The following EIF4G3 variants were observed in gnomAD, a reference collection of about 807,000 sequenced individuals.
EIF4G3 encodes the protein eukaryotic translation initiation factor 4 gamma 3.
EIF4G3 carries 34 observed loss-of-function variants against 186.4 expected under a neutral mutation model. The observed-to-expected ratio is 0.18, with a 90% CI of 0.14 to 0.24. The LOEUF is 0.24. Ranked by LOEUF, EIF4G3 falls within the 10% of genes least tolerant of loss-of-function variation. The pLI, the probability that EIF4G3 is intolerant of heterozygous loss-of-function variation, is 1.00. For synonymous variants in EIF4G3, 673 were observed against 679.5 expected, an observed-to-expected ratio of 0.99 and a Z score of 0.15; for missense variants, 1,536 against 1,948.5, an observed-to-expected ratio of 0.79 and a Z score of 3.99.
intron 2 of EIF4G3, among the ~76,000 whole-genome samples, chr1:21,138,094 T>A (rs891405148): frequency 6.6e-6 from 1 of 152,124 alleles, no homozygotes; most frequent in African/African-American, 2.4e-5. Flanking sequence ...ACACTAGAAA[T>A]AGCCCAGGTA....
Position 21,011,498 on chromosome 1 carries a change from A to G in EIF4G3, c.-66-8690T>C, listed in dbSNP as rs2087078413. Among the ~76,000 whole-genome samples the G allele has an allele frequency of 2.0e-5, 3 of 152,138 alleles. No homozygotes were observed. In the South Asian group the frequency reaches 6.2e-4, roughly 32 times the overall value. On this transcript the variant is annotated intron_variant, in intron 4 of 36. Coordinates refer to ENST00000602326, the MANE Select transcript of EIF4G3 (RefSeq NM_001391906.1). ...GATACAATCCATCAACCTTATTCAG[A>G]TTTCCTGAGTTTCACTACAGATGCA... is the stretch of plus-strand genomic sequence containing the variant.
chr1:21,119,325 A>G (rs979682729), intron 2 of EIF4G3, among the ~76,000 whole-genome samples: 72 of 149,460 alleles, frequency 4.8e-4, no homozygotes, highest in Non-Finnish European at 7.6e-4. Context: ...ATAAAAGGGG[A>G]AAAAAAAAAG....
chr1:21,088,343 T>C (rs1322702074), intron 3 of EIF4G3, among the ~76,000 whole-genome samples: 1 of 151,738 alleles, frequency 6.6e-6, no homozygotes, highest in Non-Finnish European at 1.5e-5. Context: ...TCACTTGAAC[T>C]GGGAAGGCAG....
intron 15 of EIF4G3, among the ~76,000 whole-genome samples, chr1:20,904,387 C>G (rs1280169067): frequency 2.0e-5 from 3 of 152,066 alleles, no homozygotes; most frequent in African/African-American, 7.2e-5. Context: ...ACTGTGTTGC[C>G]CAGGCTGGAG....
chr1:20,952,418 T>C (rs907667909), intron 12 of EIF4G3, among the ~76,000 whole-genome samples: 7 of 152,182 alleles, frequency 4.6e-5, no homozygotes, highest in Admixed American at 2.0e-4. Flanking sequence ...CATCCCAAAG[T>C]GCTGGGATTA....
At chr1:21,146,526 C>T (rs2097445323) in intron 2 of EIF4G3, among the ~76,000 whole-genome samples, 1 of 151,572 alleles carries the variant, frequency 6.6e-6, no homozygotes, top group Non-Finnish European at 1.5e-5. Context: ...TTTGGGAGGC[C>T]AAAGCAGGTG....
At chr1:20,918,448 T>C (rs942906985) in intron 14 of EIF4G3, among the ~76,000 whole-genome samples, 1 of 152,040 alleles carries the variant, frequency 6.6e-6, no homozygotes, top group Non-Finnish European at 1.5e-5. Context: ...CCTCAAGCAA[T>C]CCTTCCGTCA....
intron 2 of EIF4G3, among the ~76,000 whole-genome samples, chr1:21,136,943 G>A (rs940153788): frequency 1.3e-5 from 2 of 152,012 alleles, no homozygotes; most frequent in Admixed American, 1.3e-4. Flanking sequence ...AAGTGCAAAG[G>A]CTTAGTACAA....
chr1:20,864,804 A>T, intron 21 of EIF4G3, 92 bp from the exon 22 acceptor site: 1 of 1,109,452 alleles, frequency 9.0e-7, no homozygotes, highest in Non-Finnish European at 1.3e-6. Context: ...TCCCCGTGAG[A>T]ATCTGATAGC....
chr1:21,145,373 A>G (rs1390497245), intron 2 of EIF4G3, among the ~76,000 whole-genome samples: 1 of 152,032 alleles, frequency 6.6e-6, no homozygotes, highest in East Asian at 1.9e-4. Flanking sequence ...GTTTTGCTCT[A>G]TCTTCTAAAA....
Position 20,952,647 on chromosome 1 carries a change from G to A in EIF4G3, c.715-2536C>T, listed in dbSNP as rs191258318. 6.9e-3 allele frequency among the ~76,000 whole-genome samples: 1,044 copies of A among 152,202 alleles called. 10 individuals carry two copies. Among genetic ancestry groups the A allele is most frequent in the African/African-American group, 0.024 (985 of 41,530 alleles). On this transcript the variant is annotated intron_variant, in intron 12 of 36. Coordinates refer to ENST00000602326, the MANE Select transcript of EIF4G3 (RefSeq NM_001391906.1). The stretch of plus-strand genomic sequence containing the variant: ...ACAGATCACCAGAGGTCAAGAGTTC[G>A]AGATCAGCCTGGCCAACATGATGAA...
chr1:21,087,782 C>A (rs550549420), intron 3 of EIF4G3, among the ~76,000 whole-genome samples: 1 of 152,100 alleles, frequency 6.6e-6, no homozygotes, highest in African/African-American at 2.4e-5. Context: ...TACAGGCGCC[C>A]GCCACCATGT....
chr1:20,981,808 A>G (rs2078343745), intron 8 of EIF4G3, among the ~76,000 whole-genome samples: 1 of 151,982 alleles, frequency 6.6e-6, no homozygotes, highest in Non-Finnish European at 1.5e-5. Context: ...CACATACTGT[A>G]TATATACATA....
At chr1:21,099,522 C>G (rs765362159) in intron 2 of EIF4G3, among the ~76,000 whole-genome samples, 1 of 152,216 alleles carries the variant, frequency 6.6e-6, no homozygotes, top group Non-Finnish European at 1.5e-5. Flanking sequence ...TCACTGCACT[C>G]CTGCCTGGGC....
chr1:21,161,160 G>C (rs1030340014), intron 2 of EIF4G3, among the ~76,000 whole-genome samples: 1 of 148,750 alleles, frequency 6.7e-6, no homozygotes, highest in Non-Finnish European at 1.5e-5. Flanking sequence ...AAGAGAGAGA[G>C]ACTCCATCTC....
At chr1:20,899,635 C>T in intron 16 of EIF4G3, 62 bp downstream of exon 16, 3 of 1,576,968 alleles carry the variant, frequency 1.9e-6, no homozygotes, top group Non-Finnish European at 2.6e-6. Flanking sequence ...AAAGAGGCAA[C>T]ATTTCTCTAA....
chr1:21,061,483 G>A (rs1281690128), intron 3 of EIF4G3, among the ~76,000 whole-genome samples: 2 of 152,152 alleles, frequency 1.3e-5, no homozygotes, highest in Admixed American at 1.3e-4. Flanking sequence ...TTGAATACAT[G>A]AATCTAAGCT....
intron 33 of EIF4G3, among the ~76,000 whole-genome samples, chr1:20,823,831 T>A (rs1469249570): frequency 1.3e-5 from 2 of 152,250 alleles, no homozygotes; most frequent in Non-Finnish European, 2.9e-5. Context: ...TATTGTCTGT[T>A]TACTTTTATC....
intron 7 of EIF4G3, among the ~76,000 whole-genome samples, chr1:20,990,450 G>A (rs558107442): frequency 1.4e-4 from 22 of 152,190 alleles, no homozygotes; most frequent in East Asian, 3.9e-4. Flanking sequence ...TGAGGTGGGC[G>A]GATCACGAGG....
Sources: gnomAD v4.1 joint callset for allele counts (sites outside exome capture counted in the v4.1 genomes callset) on GRCh38, gnomAD v4.1.1 for gene constraint, MANE v1.5 for transcripts, NCBI Gene and HGNC (gene_info 2026-07-23, HGNC 2026-07-21) for gene names.